The following CELF2 variants were observed in gnomAD, a reference collection of about 807,000 sequenced individuals.
The protein encoded by CELF2 is CUGBP Elav-like family member 2.
A neutral mutation model predicts 62.6 loss-of-function variants in CELF2; 8 were observed. That is an observed-to-expected ratio of 0.13 (90% confidence interval 0.07 to 0.23). The LOEUF is 0.23. Ranked by LOEUF, CELF2 falls within the 10% of genes least tolerant of loss-of-function variation. CELF2 has a pLI of 1.00. For missense variants in CELF2, 333 were observed against 671.0 expected, an observed-to-expected ratio of 0.50 and a Z score of 5.56; for synonymous variants, 258 against 250.0, an observed-to-expected ratio of 1.03 and a Z score of -0.30.
At chr10:11,057,770 C>A (rs1006913920) in intron 1 of CELF2, among the ~76,000 whole-genome samples, 3 of 152,100 alleles carry the variant, frequency 2.0e-5, no homozygotes, top group South Asian at 2.1e-4. Flanking sequence ...TGGTTAACAG[C>A]CTGTTTCTCC....
At chr10:11,196,989 GA>G (rs1363761887) in intron 2 of CELF2, among the ~76,000 whole-genome samples, 1 of 101,258 alleles carries the variant, frequency 9.9e-6, no homozygotes, top group Non-Finnish European at 2.0e-5. Flanking sequence ...GAGAAAGAAA[GA>G]AAGGAAGGAA....
At chr10:11,166,803 G>A (rs1278773315) in intron 2 of CELF2, among the ~76,000 whole-genome samples, 3 of 152,224 alleles carry the variant, frequency 2.0e-5, no homozygotes, top group Non-Finnish European at 2.9e-5. Context: ...CTGGCAAGGT[G>A]AAATGATAGA....
chr10:10,741,429 T>A, the CELF2 span, among the ~76,000 whole-genome samples: 1 of 138,806 alleles, frequency 7.2e-6, no homozygotes, highest in African/African-American at 2.7e-5. Context: ...GAGAATTGCT[T>A]GAACTCGGGA....
chr10:10,555,693 C>T, the CELF2 span, among the ~76,000 whole-genome samples: 10 of 152,176 alleles, frequency 6.6e-5, no homozygotes, highest in African/African-American at 2.4e-4. Context: ...TTGAAATCTA[C>T]AGCCCCTTCA....
chr10:11,093,742 G>T (rs76158448), intron 1 of CELF2, among the ~76,000 whole-genome samples: 13 of 152,112 alleles, frequency 8.5e-5, no homozygotes, highest in Admixed American at 7.9e-4. Flanking sequence ...AGTCAATTCC[G>T]TTAACATGGT....
chr10:11,142,916 C>G (rs1342255599), intron 1 of CELF2, among the ~76,000 whole-genome samples: 1 of 151,200 alleles, frequency 6.6e-6, no homozygotes, highest in East Asian at 1.9e-4. Context: ...CCTCCCTCCA[C>G]TGGGGTTACT....
chr10:10,838,688 C>T (rs1312464977), intron 1 of CELF2, among the ~76,000 whole-genome samples: 1 of 152,120 alleles, frequency 6.6e-6, no homozygotes, highest in Non-Finnish European at 1.5e-5. Context: ...TCAGTTGTCT[C>T]CTAATGTATA....
chr10:10,529,555 G>A, the CELF2 span, among the ~76,000 whole-genome samples: 234 of 151,878 alleles, frequency 1.5e-3, 1 homozygote, highest in African/African-American at 5.3e-3. Context: ...GTGGTGGTGC[G>A]CGTCTGTAAT....
intron 1 of CELF2, among the ~76,000 whole-genome samples, chr10:11,025,980 A>C (rs566095821): frequency 6.6e-6 from 1 of 152,172 alleles, no homozygotes; most frequent in East Asian, 1.9e-4. Context: ...CTCACTGCTG[A>C]GTCCTTGGAT....
At chr10:11,221,953 C>G (rs889817264) in intron 3 of CELF2, among the ~76,000 whole-genome samples, 1 of 152,178 alleles carries the variant, frequency 6.6e-6, no homozygotes, top group Non-Finnish European at 1.5e-5. Context: ...ACAAATGAGC[C>G]TGATCCAATC....
At chr10:10,632,252 T>A in the CELF2 span, among the ~76,000 whole-genome samples, 1 of 152,194 alleles carries the variant, frequency 6.6e-6, no homozygotes, top group Non-Finnish European at 1.5e-5. Flanking sequence ...TAGAGACAGA[T>A]GCAAAGAGTT....
intron 1 of CELF2, among the ~76,000 whole-genome samples, chr10:11,051,096 G>T (rs1358388721): frequency 2.6e-5 from 4 of 152,332 alleles, no homozygotes; most frequent in East Asian, 3.9e-4. Context: ...AAAGCATGGG[G>T]ACACTTCTTC....
intron 1 of CELF2, among the ~76,000 whole-genome samples, chr10:11,137,021 A>G (rs1200280707): frequency 6.6e-6 from 1 of 152,244 alleles, no homozygotes; most frequent in East Asian, 1.9e-4. Flanking sequence ...TATCTAATTT[A>G]AATACATACA....
chr10:11,029,114 G>A (rs1277615306), intron 1 of CELF2, among the ~76,000 whole-genome samples: 1 of 152,170 alleles, frequency 6.6e-6, no homozygotes, highest in Non-Finnish European at 1.5e-5. Flanking sequence ...AATGCCTGGA[G>A]GATGTAGATG....
At chr10:10,585,647 CCTTT>C in the CELF2 span, among the ~76,000 whole-genome samples, 1 of 152,262 alleles carries the variant, frequency 6.6e-6, no homozygotes, top group South Asian at 2.1e-4. Flanking sequence ...GATTACGCTC[CCTTT>C]GTCATATAAG....
In CELF2 at chr10:10,947,752, T is replaced by TA. The variant is rs563641543; in HGVS notation, c.89+27754dup. Among the ~76,000 whole-genome samples, 33 of 152,250 alleles carry TA rather than the reference T, an allele frequency of 2.2e-4. 1 individual carries two copies. Among genetic ancestry groups the TA allele is most frequent in the Middle Eastern group, 6.8e-3 (2 of 294 alleles). ...GTCATGAGTAGCGTAAGAAGACACA[T>TA]ACACACATCTTCACCACAGAAGAAA... On this transcript the variant is annotated intron_variant, in intron 2 of 13. Transcript: ENST00000636488. The surrounding 1 kb of genome is among the most constrained non-coding windows in gnomAD (Gnocchi z 4.1).
chr10:10,481,064 A>C, the CELF2 span, among the ~76,000 whole-genome samples: 2 of 152,144 alleles, frequency 1.3e-5, no homozygotes, highest in African/African-American at 4.8e-5. Context: ...ACTTCATTTC[A>C]GGGGTAAAAA....
the CELF2 span, among the ~76,000 whole-genome samples, chr10:10,751,074 C>A: frequency 3.9e-5 from 6 of 152,232 alleles, no homozygotes; most frequent in Non-Finnish European, 8.8e-5. Flanking sequence ...TCCTTGCACT[C>A]TTTTTAGAAT....
chr10:10,536,855 T>C, the CELF2 span, among the ~76,000 whole-genome samples: 2 of 151,950 alleles, frequency 1.3e-5, no homozygotes, highest in Non-Finnish European at 2.9e-5. Context: ...CGGGCATCAG[T>C]TGGGATTATT....
Sources: allele counts gnomAD v4.1 joint callset (sites outside exome capture counted in the v4.1 genomes callset), GRCh38; gene constraint gnomAD v4.1.1; non-coding constraint Gnocchi (gnomAD v3.1); transcripts MANE v1.5; gene names NCBI Gene and HGNC (gene_info 2026-07-23, HGNC 2026-07-21).